The following CACNA1C variants were observed in gnomAD, a reference collection of about 807,000 sequenced individuals.
The protein encoded by CACNA1C is voltage-dependent L-type calcium channel subunit alpha-1C.
CACNA1C carries 30 observed loss-of-function variants against 229.0 expected under a neutral mutation model. The observed-to-expected ratio is 0.13, with a 90% CI of 0.10 to 0.18. CACNA1C has a LOEUF of 0.18. CACNA1C is among the 10% of genes least tolerant of loss of function. CACNA1C has a pLI of 1.00. For synonymous variants in CACNA1C, 1,114 were observed against 1,132.5 expected, an observed-to-expected ratio of 0.98 and a Z score of 0.33; for missense variants, 1,658 against 2,845.0, an observed-to-expected ratio of 0.58 and a Z score of 9.49.
At position 2,210,161 on chromosome 12, in the gene CACNA1C, C is replaced by T. The variant is rs1320391641; in HGVS notation, c.477+89731C>T. 2.6e-5 allele frequency among the ~76,000 whole-genome samples: 4 copies of T among 152,350 alleles called. No individual in the cohort carries two copies. The East Asian group carries it at 7.7e-4, about 29-fold the overall frequency. ...GGAAGGACAGAGAGGGGAATCTGAT[C>T]TTCAGCCTGATGTGATATGTTTTTA... On this transcript the variant is annotated intron_variant, in intron 3 of 46. Transcript: ENST00000399655.
At chr12:2,208,746 A>G (rs1202400682) in intron 3 of CACNA1C, among the ~76,000 whole-genome samples, 1 of 152,230 alleles carries the variant, frequency 6.6e-6, no homozygotes, top group Non-Finnish European at 1.5e-5. Flanking sequence ...TAATGAAGCC[A>G]GAGGTGTAGG....
At position 2,410,269 on chromosome 12, in the gene CACNA1C, C is replaced by A. The variant is rs888810421; in HGVS notation, c.478-38707C>A. 6.6e-5 allele frequency among the ~76,000 whole-genome samples: 10 copies of A among 152,260 alleles called. No homozygotes were observed. The highest frequency in any genetic ancestry group is 5.9e-4 in the Admixed American group (9 of 15,290). On this transcript the variant is annotated intron_variant, in intron 3 of 46. Transcript: ENST00000399655. This position sits in a 1 kb window ranked among gnomAD's most constrained non-coding sequence, Gnocchi z 5.3. ...CCTCAACGAGCTCGTCGCCGGGCAC[C>A]GTTTTAGCAGCCCCACCACCCATTT... is the stretch of plus-strand genomic sequence containing the variant.
intron 8 of CACNA1C, among the ~76,000 whole-genome samples, chr12:2,509,287 A>G (rs2099778373): frequency 6.6e-6 from 1 of 152,150 alleles, no homozygotes; most frequent in South Asian, 2.1e-4. Context: ...GTGGGAGCAG[A>G]AGAGATGGCC....
At chr12:2,147,144 G>A (rs1333458036) in intron 3 of CACNA1C, among the ~76,000 whole-genome samples, 1 of 151,344 alleles carries the variant, frequency 6.6e-6, no homozygotes, top group African/African-American at 2.4e-5. Flanking sequence ...GGAAATTACA[G>A]CAAACGAATC....
intron 1 of CACNA1C, among the ~76,000 whole-genome samples, chr12:2,103,232 C>G (rs1279661776): frequency 3.3e-5 from 5 of 152,214 alleles, no homozygotes; most frequent in Non-Finnish European, 2.9e-5. Context: ...TTCTCCACAT[C>G]CTTTCCAGCA....
chr12:2,357,854 C>T (rs537376834), intron 3 of CACNA1C, among the ~76,000 whole-genome samples: 2 of 151,690 alleles, frequency 1.3e-5, no homozygotes, highest in South Asian at 4.2e-4. Context: ...GCCTGTAATC[C>T]CAGCTACTCA....
intron 1 of CACNA1C, among the ~76,000 whole-genome samples, chr12:2,010,341 G>A (rs1316749624): frequency 6.6e-6 from 1 of 152,182 alleles, no homozygotes; most frequent in Non-Finnish European, 1.5e-5. Flanking sequence ...AGAGCAGAAT[G>A]AGAAGGGGCA....
chr12:2,282,544 G>C (rs902886748), intron 3 of CACNA1C, among the ~76,000 whole-genome samples: 3 of 152,198 alleles, frequency 2.0e-5, no homozygotes, highest in Non-Finnish European at 4.4e-5. Context: ...CTGAGACAAT[G>C]ACCTTAGGAG....
intron 6 of CACNA1C, among the ~76,000 whole-genome samples, chr12:2,489,445 G>A (rs868502207): frequency 5.3e-5 from 8 of 152,130 alleles, no homozygotes; most frequent in East Asian, 1.9e-4. Flanking sequence ...CCCTAATCCC[G>A]GAGGCATCTG....
At chr12:2,658,694 T>A (rs1035380980) in intron 34 of CACNA1C, among the ~76,000 whole-genome samples, 4 of 152,120 alleles carry the variant, frequency 2.6e-5, no homozygotes, top group African/African-American at 7.2e-5. Flanking sequence ...GAAGAAGGCA[T>A]TGTTATCATA....
rs1374439445 is a variant in CACNA1C at position 2,679,436 on chromosome 12, G to T, written c.5092-8G>T. On this transcript the variant is annotated splice_polypyrimidine_tract_variant and splice_region_variant and intron_variant, in intron 41 of 46. Coordinates refer to ENST00000399655, the MANE Select transcript of CACNA1C (RefSeq NM_000719.7). The surrounding 1 kb of genome is among the most constrained non-coding windows in gnomAD (Gnocchi z 5.5). ...GCTTCTCCACCCACCCCTCCTTCTT[G>T]CCTACAGAGGGCCGGTGGCCTGTTC... is the stretch of plus-strand genomic sequence containing the variant. The T allele has an allele frequency of 1.3e-6, 2 of 1,527,284 alleles. No homozygotes were observed. Among genetic ancestry groups the T allele is most frequent in the African/African-American group, 2.7e-5 (2 of 73,034 alleles). The allele number at this position is 1,527,284 out of a possible 1,614,324, so 94.6% of individuals were successfully genotyped here.
chr12:2,598,573 T>G (rs1448124084), intron 21 of CACNA1C, among the ~76,000 whole-genome samples: 1 of 152,188 alleles, frequency 6.6e-6, no homozygotes, highest in Non-Finnish European at 1.5e-5. Context: ...GAGACTAGCC[T>G]GGGACTCCCC....
chr12:2,016,028 C>T (rs1397884055), intron 1 of CACNA1C, among the ~76,000 whole-genome samples: 1 of 152,168 alleles, frequency 6.6e-6, no homozygotes, highest in Non-Finnish European at 1.5e-5. Flanking sequence ...CCAGGCAATG[C>T]TCTTTCTACC....
chr12:2,405,422 CTCA>C (rs1389277795), intron 3 of CACNA1C, among the ~76,000 whole-genome samples: 3 of 152,236 alleles, frequency 2.0e-5, no homozygotes, highest in Admixed American at 2.0e-4. Flanking sequence ...ACCCTTCCTC[CTCA>C]TCATCCCTAA....
intron 1 of CACNA1C, among the ~76,000 whole-genome samples, chr12:2,077,468 A>C (rs2063646388): frequency 6.6e-6 from 1 of 152,116 alleles, no homozygotes; most frequent in African/African-American, 2.4e-5. Flanking sequence ...AAGTAAAAAT[A>C]GCCTTACTTT....
chr12:2,550,078 C>A (rs1227027732), intron 10 of CACNA1C, 45 bp downstream of exon 10: 1 of 1,295,544 alleles, frequency 7.7e-7, no homozygotes, highest in Admixed American at 1.9e-5. Flanking sequence ...TTTTCTGGAG[C>A]ATGGGTGGAA....
At position 2,682,615 on chromosome 12, in the gene CACNA1C, A is replaced by G. The variant is rs952990263; in HGVS notation, c.5510A>G (p.Tyr1837Cys). Residue 1837 changes from tyrosine (Y) to cysteine (C), a missense_variant, in exon 43 of 47, where the codon TAT becomes TGT. Coordinates refer to ENST00000399655, the MANE Select transcript of CACNA1C (RefSeq NM_000719.7). Reference protein sequence around the residue: ...GQEETSQDETYEVKMNHDTEA... With the variant: ...GQEETSQDETCEVKMNHDTEA... ...GAGGAGACGTCTCAGGATGAGACCT[A>G]TGAAGTGAAGATGAACCATGACACG... 1.8e-5 allele frequency: 29 copies of G among 1,612,568 alleles called. No homozygotes were observed. In the African/African-American group the frequency reaches 2.8e-4, roughly 16 times the overall value.
At position 2,389,500 on chromosome 12, in the gene CACNA1C, G is replaced by T. The variant is rs139309320; in HGVS notation, c.478-59476G>T. On this transcript the variant is annotated intron_variant, in intron 3 of 46. Transcript: ENST00000399655. ...TGGCTAAACTTTAAGTAAAAGGGAA[G>T]ATTGTGATCCTGTCCTCTGTGAGTG... is the stretch of plus-strand genomic sequence containing the variant. 4.4e-4 allele frequency among the ~76,000 whole-genome samples: 67 copies of T among 152,314 alleles called. 2 individuals carry two copies. In the East Asian group the frequency reaches 9.3e-3, roughly 21 times the overall value.
chr12:2,000,347 T>A (rs1390106479), intron 1 of CACNA1C, among the ~76,000 whole-genome samples: 1 of 152,214 alleles, frequency 6.6e-6, no homozygotes, highest in African/African-American at 2.4e-5. Flanking sequence ...GTATCTGACC[T>A]TGGACTGTTT....
Sources: allele counts gnomAD v4.1 joint callset (sites outside exome capture counted in the v4.1 genomes callset), GRCh38; gene constraint gnomAD v4.1.1; non-coding constraint Gnocchi (gnomAD v3.1); transcripts MANE v1.5; gene names NCBI Gene and HGNC (gene_info 2026-07-23, HGNC 2026-07-21).